Variants in FZD3 observed in about 807,000 individuals in gnomAD.
FZD3 encodes the protein frizzled-3.
Under a neutral mutation model 60.7 loss-of-function variants are expected in FZD3, and 30 were observed. The observed-to-expected ratio is 0.49, with a 90% CI of 0.37 to 0.67. The LOEUF is 0.67. Ranked by LOEUF, FZD3 falls within the 30% of genes least tolerant of loss-of-function variation. The pLI, the probability that FZD3 is intolerant of heterozygous loss-of-function variation, is 0.00. For missense variants in FZD3, 605 were observed against 838.7 expected, an observed-to-expected ratio of 0.72 and a Z score of 3.44; for synonymous variants, 246 against 275.2, an observed-to-expected ratio of 0.89 and a Z score of 1.05.
chr8:28,562,123 G>T (rs1413616440), intron 7 of FZD3, among the ~76,000 whole-genome samples: 1 of 152,168 alleles, frequency 6.6e-6, no homozygotes, highest in African/African-American at 2.4e-5. Context: ...CAGAATATAG[G>T]TTACAGAGTG....
At chr8:28,538,846 A>G (rs374430069) in intron 5 of FZD3, among the ~76,000 whole-genome samples, 8 of 149,142 alleles carry the variant, frequency 5.4e-5, no homozygotes, top group East Asian at 1.9e-4. Flanking sequence ...TTTGTTATAT[A>G]TGTTATATAT....
chr8:28,573,069 T>G lies in FZD3; in HGVS notation c.*10058T>G, dbSNP rs949006742. 2.0e-5 allele frequency: 3 copies of G among 152,122 alleles called. No homozygotes were observed. Among genetic ancestry groups the G allele is most frequent in the African/African-American group, 7.2e-5 (3 of 41,418 alleles). The allele number at this position is 152,122 out of a possible 1,614,324, so 9.4% of individuals were successfully genotyped here. ...AAGGTTACTTTGATCTCTCAATAAT[T>G]GCTTGGTACACTTCTTCCTAGGCAA... is the stretch of plus-strand genomic sequence containing the variant. On this transcript the variant is annotated 3_prime_UTR_variant, in exon 8 of 8. Coordinates refer to ENST00000240093, the MANE Select transcript of FZD3 (RefSeq NM_017412.4).
At chr8:28,540,881 G>T (rs1805148648) in intron 5 of FZD3, among the ~76,000 whole-genome samples, 1 of 152,182 alleles carries the variant, frequency 6.6e-6, no homozygotes, top group Non-Finnish European at 1.5e-5. Context: ...GGAGGTGGAG[G>T]TTGCAGTGAG....
intron 5 of FZD3, among the ~76,000 whole-genome samples, chr8:28,548,314 A>T (rs1210228395): frequency 6.6e-6 from 1 of 150,876 alleles, no homozygotes; most frequent in Non-Finnish European, 1.5e-5. Flanking sequence ...TTTTTATTTA[A>T]TTATTTATTT....
At position 28,528,167 on chromosome 8, in the gene FZD3, A is replaced by G. The variant is rs769145436; in HGVS notation, c.1404+3A>G. On this transcript the variant is annotated splice_donor_region_variant and intron_variant, in intron 5 of 7. Transcript: ENST00000240093. The stretch of plus-strand genomic sequence containing the variant: ...ATCACATTCCATGTCCATATCAGGT[A>G]AGGGAAACCTTGTTACAAATTTCAG... The G allele has an allele frequency of 1.9e-6, 3 of 1,592,676 alleles. No homozygotes were observed. The South Asian group carries it at 3.4e-5, about 18-fold the overall frequency.
chr8:28,531,972 A>G (rs1804887842), intron 5 of FZD3, among the ~76,000 whole-genome samples: 1 of 151,980 alleles, frequency 6.6e-6, no homozygotes, highest in African/African-American at 2.4e-5. Context: ...AGTTTCTACA[A>G]TTTGCTTTTT....
rs746600600 is a variant in FZD3, at chr8:28,568,789, A to G, written c.*5778A>G. ...AAGACACAGTAGTTCAATCTGTTGA[A>G]AGGCATTGAAGGATAATTTCCTTCA... On this transcript the variant is annotated 3_prime_UTR_variant, in exon 8 of 8. Coordinates refer to ENST00000240093, the MANE Select transcript of FZD3 (RefSeq NM_017412.4). 2.4e-4 allele frequency: 37 copies of G among 152,140 alleles called. 2 individuals carry two copies. Among genetic ancestry groups the G allele is most frequent in the Non-Finnish European group, 1.8e-4 (12 of 67,972 alleles). The allele number at this position is 152,140 out of a possible 1,614,324, so 9.4% of individuals were successfully genotyped here.
At chr8:28,526,966 G>T (rs1804729545) in intron 4 of FZD3, among the ~76,000 whole-genome samples, 181 bp from the exon 5 acceptor site, 1 of 152,044 alleles carries the variant, frequency 6.6e-6, no homozygotes, top group African/African-American at 2.4e-5. Flanking sequence ...TTGCTCAACT[G>T]TCGAAAATCT....
chr8:28,561,248 G>C (rs1563408334), intron 7 of FZD3, among the ~76,000 whole-genome samples: 1 of 151,980 alleles, frequency 6.6e-6, no homozygotes, highest in Non-Finnish European at 1.5e-5. Context: ...GTAGAGACAG[G>C]GTTTTACCAC....
At chr8:28,495,706 A>G (rs1803825923) in intron 1 of FZD3, among the ~76,000 whole-genome samples, 1 of 152,096 alleles carries the variant, frequency 6.6e-6, no homozygotes, top group African/African-American at 2.4e-5. Flanking sequence ...CTCCAGAAAA[A>G]AGGACAAAAA....
At chr8:28,498,740 T>G (rs796641727) in intron 1 of FZD3, among the ~76,000 whole-genome samples, 7 of 152,302 alleles carry the variant, frequency 4.6e-5, no homozygotes, top group African/African-American at 1.7e-4. Flanking sequence ...AATTTTTGTA[T>G]TTTTAGTAGA....
chr8:28,561,530 G>A (rs935551031), intron 7 of FZD3, among the ~76,000 whole-genome samples: 1 of 151,766 alleles, frequency 6.6e-6, no homozygotes, highest in Non-Finnish European at 1.5e-5. Context: ...GTGAAGGAAT[G>A]GTGGATTAAC....
rs1483168391 is a variant in FZD3, at chr8:28,567,912, TGAA to T, written c.*4908_*4910del. 89 of 152,272 alleles carry T rather than the reference TGAA, an allele frequency of 5.8e-4. No individual in the cohort carries two copies. The highest frequency in any genetic ancestry group is 3.4e-3 in the Middle Eastern group (1 of 294). The allele number at this position is 152,272 out of a possible 1,614,324, so 9.4% of individuals were successfully genotyped here. ...CTTAAATTATAAAAAAAAATATATA[TGAA>T]GAAGAATGTAGACCCTATAATGTTT... On this transcript the variant is annotated 3_prime_UTR_variant, in exon 8 of 8. Transcript: ENST00000240093.
chr8:28,505,574 A>G (rs1804116465), intron 3 of FZD3, among the ~76,000 whole-genome samples: 1 of 151,332 alleles, frequency 6.6e-6, no homozygotes, highest in Non-Finnish European at 1.5e-5. Flanking sequence ...CTGATCTCGA[A>G]CTCCTGGGCT....
At chr8:28,556,066 A>G (rs1055695886) in intron 7 of FZD3, 95 bp downstream of exon 7, 19 of 810,674 alleles carry the variant, frequency 2.3e-5, no homozygotes, top group Non-Finnish European at 3.6e-5. Flanking sequence ...TAGAAGTCGA[A>G]CATAATTAAG....
At chr8:28,522,767 CTTTTTTTTTT>C (rs35662589) in intron 4 of FZD3, among the ~76,000 whole-genome samples, 2 of 96,872 alleles carry the variant, frequency 2.1e-5, no homozygotes, top group African/African-American at 8.0e-5. Flanking sequence ...AGGGAACTTT[CTTTTTTTTTT>C]TTTTTTTTTT....
intron 7 of FZD3, among the ~76,000 whole-genome samples, chr8:28,556,596 A>T (rs1402693091): frequency 6.6e-6 from 1 of 151,860 alleles, no homozygotes; most frequent in African/African-American, 2.4e-5. Flanking sequence ...AGGAATTAGC[A>T]AACGTTTTCC....
intron 5 of FZD3, among the ~76,000 whole-genome samples, chr8:28,541,589 C>T (rs1353347267): frequency 1.3e-5 from 2 of 152,198 alleles, no homozygotes; most frequent in African/African-American, 4.8e-5. Context: ...TTTCCTTTCT[C>T]CCTTTTTTCT....
chr8:28,571,141 G>A lies in FZD3; in HGVS notation c.*8130G>A, dbSNP rs1805801154. On this transcript the variant is annotated 3_prime_UTR_variant, in exon 8 of 8. Transcript: ENST00000240093. Reference sequence around the variant, plus strand: ...CAAATATTTCATTTAATATTTTCTGGGTTTTGATAATGGGATATTCTGTAA... The same window carrying A: ...CAAATATTTCATTTAATATTTTCTGAGTTTTGATAATGGGATATTCTGTAA... 1 of 151,962 alleles carries A rather than the reference G, an allele frequency of 6.6e-6. No homozygotes were observed. Among genetic ancestry groups the A allele is most frequent in the Non-Finnish European group, 1.5e-5 (1 of 67,972 alleles). The allele number at this position is 151,962 out of a possible 1,614,324, so 9.4% of individuals were successfully genotyped here. A position where few individuals can be genotyped will look rare whatever the true frequency, so the allele number is the denominator to read the frequency against.
Sources: gnomAD v4.1 joint callset for allele counts (sites outside exome capture counted in the v4.1 genomes callset) on GRCh38, gnomAD v4.1.1 for gene constraint, MANE v1.5 for transcripts, NCBI Gene and HGNC (gene_info 2026-07-23, HGNC 2026-07-21) for gene names.